ABCB9: variants seen among roughly 807,000 people sequenced by gnomAD.
ABCB9 encodes the protein ATP binding cassette subfamily B member 9.
ABCB9 carries 36 observed loss-of-function variants against 62.0 expected under a neutral mutation model. The ratio of observed to expected loss-of-function variants is 0.58; its 90% CI spans 0.45 to 0.77. ABCB9 has a LOEUF of 0.77. Among genes scored for constraint, ABCB9 ranks in the 30% least tolerant of loss-of-function variants. The pLI is 0.00. For missense variants in ABCB9, 943 were observed against 1,054.7 expected (o/e 0.89, Z 1.47); for synonymous variants, 435 against 461.4 (o/e 0.94, Z 0.73).
chr12:122,950,718 C>G (rs1488464664), intron 2 of ABCB9, 153 bp from the exon 3 acceptor site: 3 of 618,916 alleles, frequency 4.8e-6, no homozygotes, highest in African/African-American at 3.7e-5. Context: ...ATCGTGGGGC[C>G]CCAGGGTGCT....
chr12:122,958,178 A>T (rs909731538), intron 2 of ABCB9, among the ~76,000 whole-genome samples: 7 of 151,202 alleles, frequency 4.6e-5, no homozygotes, highest in African/African-American at 1.7e-4. Flanking sequence ...TCAAAAAAAA[A>T]AAAAAAAAAA....
Position 122,940,045 on chromosome 12 carries a change from A to G in ABCB9, c.1743+66T>C, listed in dbSNP as rs1289317177. ...TAGTGCCCTCTTCCGCACCTGTTAC[A>G]GCTCACAAGAAAGACGGTTAGATGC... is the stretch of plus-strand genomic sequence containing the variant. On this transcript the variant is annotated intron_variant, in intron 9 of 11. Transcript: ENST00000280560. This position sits in a 1 kb window ranked among gnomAD's most constrained non-coding sequence, Gnocchi z 4.8. 1.3e-6 allele frequency: 2 copies of G among 1,539,912 alleles called. No homozygotes were observed. Among genetic ancestry groups the G allele is most frequent in the South Asian group, 1.2e-5 (1 of 83,460 alleles).
intron 5 of ABCB9, among the ~76,000 whole-genome samples, chr12:122,946,897 T>C (rs1235147052): frequency 6.6e-6 from 1 of 152,232 alleles, no homozygotes; most frequent in Non-Finnish European, 1.5e-5. Context: ...GTCACTATGC[T>C]GATTCTCAAG....
Position 122,944,204 on chromosome 12 carries a change from T to C in ABCB9, c.1380+187A>G, listed in dbSNP as rs2035913815. ...TCCGCCTCCCAAAGTTCTGGGATTA[T>C]AGGCGTGAGCCACCACGCCCTGCCT... On this transcript the variant is annotated intron_variant, in intron 7 of 11. Transcript: ENST00000280560. This position sits in a 1 kb window ranked among gnomAD's most constrained non-coding sequence, Gnocchi z 4.9. Among the ~76,000 whole-genome samples, 3 of 152,030 alleles carry C rather than the reference T, an allele frequency of 2.0e-5. No homozygotes were observed. Among genetic ancestry groups the C allele is most frequent in the African/African-American group, 7.2e-5 (3 of 41,418 alleles).
chr12:122,957,892 G>A lies in ABCB9; in HGVS notation c.601+1743C>T, dbSNP rs1248659667. The stretch of plus-strand genomic sequence containing the variant: ...GAACAGAATTATTGACGTGCAGGTC[G>A]GGCGCAGTGGCTCATGCCTGTAATC... On this transcript the variant is annotated intron_variant, in intron 2 of 11. Transcript: ENST00000280560. Among the ~76,000 whole-genome samples, 6 of 151,328 alleles carry A rather than the reference G, an allele frequency of 4.0e-5. No individual in the cohort carries two copies. In the East Asian group the frequency reaches 5.9e-4, roughly 15 times the overall value.
rs57112984 is a variant in ABCB9, at chr12:122,972,037, C to CTTTTTTTT, written c.-88+2670_-88+2677dup. 6.0e-5 allele frequency among the ~76,000 whole-genome samples: 6 copies of CTTTTTTTT among 99,272 alleles called. 1 individual carries two copies. The highest frequency in any genetic ancestry group is 4.1e-5 in the African/African-American group (1 of 24,454). 65.1% of individuals were successfully genotyped at this position (99,272 alleles called of 152,430 possible). Reference sequence around the variant, plus strand: ...TTCATAGCAGCTTCATTCATAATGTCTTTTTTTTTTTTTTTTTTTTTTGTT... The same window carrying CTTTTTTTT: ...TTCATAGCAGCTTCATTCATAATGTCTTTTTTTTTTTTTTTTTTTTTTTTTTTTTTGTT... On this transcript the variant is annotated intron_variant, in intron 1 of 11. Coordinates refer to the ABCB9 transcript ENST00000392439.
chr12:122,946,038 A>G lies in ABCB9; in HGVS notation c.1238T>C (p.Val413Ala), dbSNP rs759018450. Residue 413 changes from valine (V) to alanine (A), a missense_variant, in exon 6 of 12, where the codon GTC (valine) becomes GCC (alanine). By Grantham distance (64) the Val-to-Ala change is moderately conservative. Coordinates refer to ENST00000280560, the MANE Select transcript of ABCB9 (RefSeq NM_019625.4). The part of the protein sequence containing the change: ...RKEAAAYMYY[V>A]WGSGLTLLVV... ...AGGGGCACGTACCCCGCTGCCCCAGACGTAGTACATGTAGGCAGCTGCCTC... is the reference window on the plus strand; with the variant it reads ...AGGGGCACGTACCCCGCTGCCCCAGGCGTAGTACATGTAGGCAGCTGCCTC... The G allele has an allele frequency of 3.7e-6, 6 of 1,613,636 alleles. No homozygotes were observed. The highest frequency in any genetic ancestry group is 4.2e-6 in the Non-Finnish European group (5 of 1,180,008).
intron 9 of ABCB9, among the ~76,000 whole-genome samples, chr12:122,938,149 C>T (rs184335225): frequency 3.7e-4 from 57 of 152,330 alleles, no homozygotes; most frequent in Admixed American, 2.0e-4. Context: ...CTTGGGAGAA[C>T]GTACTCATGT....
Position 122,930,070 on chromosome 12 carries a change from G to A in ABCB9, c.2142C>T (p.Asp714=). ...VEHAHLIVVL[D]KGRVVQQGTH... is the part of the protein sequence containing the mutation. ...TGCCCTGCTGCACTACGCGGCCCTT[G>A]TCCAGCACCACAATGAGGTGCGCGT... Residue 714 remains aspartate (D), a synonymous_variant, in exon 12 of 12, where the codon GAC becomes GAT. Transcript: ENST00000280560. This position sits in a 1 kb window ranked among gnomAD's most constrained non-coding sequence, Gnocchi z 4.9. 1 of 1,566,662 alleles carries A rather than the reference G, an allele frequency of 6.4e-7. No individual in the cohort carries two copies. Among genetic ancestry groups the A allele is most frequent in the South Asian group, 1.2e-5 (1 of 85,166 alleles).
intron 1 of ABCB9, among the ~76,000 whole-genome samples, chr12:122,965,854 G>A (rs2037144395): frequency 6.6e-6 from 1 of 152,232 alleles, no homozygotes; most frequent in Non-Finnish European, 1.5e-5. Flanking sequence ...ACTGAGAAAA[G>A]GGCTTTGCCC....
intron 7 of ABCB9, among the ~76,000 whole-genome samples, chr12:122,943,402 A>C (rs1488924853): frequency 6.6e-6 from 1 of 151,712 alleles, no homozygotes; most frequent in African/African-American, 2.4e-5. Context: ...AATCTAAAAC[A>C]CCCTTGCATT....
downstream of ABCB9, among the ~76,000 whole-genome samples, chr12:122,919,881 G>GTTTATTTATTTTTTATTTATTTA (rs942930448): frequency 8.3e-3 from 1,151 of 138,892 alleles, 12 homozygotes; most frequent in South Asian, 0.015. Context: ...CTGTTTGTTT[G>GTTTATTTATTTTTTATTTATTTA]TTTATTTATT....
At chr12:122,954,517 G>A (rs531655069) in intron 2 of ABCB9, among the ~76,000 whole-genome samples, 6 of 151,592 alleles carry the variant, frequency 4.0e-5, no homozygotes, top group African/African-American at 1.2e-4. Flanking sequence ...TTTTGAGACA[G>A]AGTCTCATTC....
chr12:122,947,584 C>A lies in ABCB9; in HGVS notation c.1053+1040G>T. On this transcript the variant is annotated intron_variant, in intron 5 of 11. Transcript: ENST00000280560. The surrounding 1 kb of genome is among the most constrained non-coding windows in gnomAD (Gnocchi z 6.0). Reference sequence around the variant, plus strand: ...GCCTGTACCTGTCACAGGGTCACAGCCCTGCCTGTCTGAACCCAGCCTGTC... The same window carrying A: ...GCCTGTACCTGTCACAGGGTCACAGACCTGCCTGTCTGAACCCAGCCTGTC... 2.6e-6 allele frequency: 1 copy of A among 386,432 alleles called. No individual in the cohort carries two copies. The highest frequency in any genetic ancestry group is 5.4e-6 in the Non-Finnish European group (1 of 186,674). 23.9% of individuals were successfully genotyped at this position (386,432 alleles called of 1,614,324 possible).
chr12:122,973,567 T>G (rs1594090593), intron 1 of ABCB9, among the ~76,000 whole-genome samples: 1 of 71,212 alleles, frequency 1.4e-5, no homozygotes, highest in African/African-American at 6.0e-5. Flanking sequence ...CGAGACTCCG[T>G]CTCAAAAAAA....
downstream of ABCB9, among the ~76,000 whole-genome samples, chr12:122,924,373 A>G (rs1456835425): frequency 6.6e-6 from 1 of 152,088 alleles, no homozygotes; most frequent in African/African-American, 2.4e-5. Flanking sequence ...TTTCTTTTTC[A>G]AATTTTGTAG....
At chr12:122,943,476 T>G (rs1029483026) in intron 7 of ABCB9, among the ~76,000 whole-genome samples, 1 of 152,182 alleles carries the variant, frequency 6.6e-6, no homozygotes, top group African/African-American at 2.4e-5. Context: ...TGAGCCCCGT[T>G]CCCGAGCAAA....
chr12:122,927,237 T>C (rs2034931086), downstream of ABCB9, among the ~76,000 whole-genome samples: 1 of 152,168 alleles, frequency 6.6e-6, no homozygotes, highest in Admixed American at 6.6e-5. Flanking sequence ...AGTGACGTGA[T>C]CTCGGCTCAC....
chr12:122,959,179 C>G lies in ABCB9; in HGVS notation c.601+456G>C, dbSNP rs1258913223. 2.0e-5 allele frequency among the ~76,000 whole-genome samples: 3 copies of G among 151,398 alleles called. No individual in the cohort carries two copies. Among genetic ancestry groups the G allele is most frequent in the Non-Finnish European group, 4.4e-5 (3 of 67,832 alleles). ...CCAGCCTGGCCAACATGGCGAAAAC[C>G]TGTTTCTACTAAAAATACAAAAATT... On this transcript the variant is annotated intron_variant, in intron 2 of 11. Coordinates refer to ENST00000280560, the MANE Select transcript of ABCB9 (RefSeq NM_019625.4). The surrounding 1 kb of genome is among the most constrained non-coding windows in gnomAD (Gnocchi z 5.4).
Sources: allele counts gnomAD v4.1 joint callset (sites outside exome capture counted in the v4.1 genomes callset), GRCh38; gene constraint gnomAD v4.1.1; non-coding constraint Gnocchi (gnomAD v3.1); transcripts MANE v1.5; gene names NCBI Gene and HGNC (gene_info 2026-07-23, HGNC 2026-07-21).